Variants in NEO1 observed in about 807,000 individuals in gnomAD.
The protein encoded by NEO1 is neogenin.
In NEO1, 63 loss-of-function variants were observed where a neutral mutation model predicts 159.7. The ratio of observed to expected loss-of-function variants is 0.39; its 90% CI spans 0.32 to 0.49. The LOEUF (loss-of-function observed/expected upper bound fraction) is 0.49. Among genes scored for constraint, NEO1 ranks in the 20% least tolerant of loss-of-function variants. NEO1 has a pLI of 0.85. For missense variants in NEO1, 1,615 were observed against 1,831.0 expected, an observed-to-expected ratio of 0.88 and a Z score of 2.15; for synonymous variants, 633 against 662.0, an observed-to-expected ratio of 0.96 and a Z score of 0.67.
Position 73,302,819 on chromosome 15 carries a change from C to G in NEO1, c.*123C>G. On this transcript the variant is annotated 3_prime_UTR_variant, in exon 29 of 29. Coordinates refer to ENST00000261908, the MANE Select transcript of NEO1 (RefSeq NM_002499.4). ...TGAGAACACAGAATGAGCCAGCAGACTGGCCAGCGCCTCTGTGTAGGGCTG... is the reference window on the plus strand; with the variant it reads ...TGAGAACACAGAATGAGCCAGCAGAGTGGCCAGCGCCTCTGTGTAGGGCTG... 1 of 866,168 alleles carries G rather than the reference C, an allele frequency of 1.2e-6. No homozygotes were observed. The allele number at this position is 866,168 out of a possible 1,614,324, so 53.7% of individuals were successfully genotyped here.
At chr15:73,292,588 A>G (rs1394308465) in intron 25 of NEO1, among the ~76,000 whole-genome samples, 1 of 152,248 alleles carries the variant, frequency 6.6e-6, no homozygotes, top group Admixed American at 6.5e-5. Flanking sequence ...CTCTGTCTTC[A>G]TAGAAAGTAG....
intron 5 of NEO1, among the ~76,000 whole-genome samples, chr15:73,148,102 T>C (rs2151820246): frequency 6.6e-6 from 1 of 152,248 alleles, no homozygotes; most frequent in South Asian, 2.1e-4. Context: ...CATGAGATTA[T>C]ACTGCACCTG....
intron 5 of NEO1, among the ~76,000 whole-genome samples, chr15:73,149,176 G>A (rs938396690): frequency 7.2e-5 from 11 of 152,088 alleles, no homozygotes; most frequent in South Asian, 4.1e-4. Flanking sequence ...TTAGCTGGGC[G>A]TGGTGGCAGG....
chr15:73,054,731 C>G (rs974443771), intron 1 of NEO1, among the ~76,000 whole-genome samples: 1 of 152,112 alleles, frequency 6.6e-6, no homozygotes, highest in African/African-American at 2.4e-5. Context: ...GTAAACCGCT[C>G]TGCTTCATTA....
At chr15:73,242,369 T>C (rs1164782039) in intron 8 of NEO1, among the ~76,000 whole-genome samples, 1 of 152,136 alleles carries the variant, frequency 6.6e-6, no homozygotes, top group Non-Finnish European at 1.5e-5. Flanking sequence ...AAAAATGTTA[T>C]TAAAAAAATC....
intron 7 of NEO1, among the ~76,000 whole-genome samples, chr15:73,200,950 G>C (rs1468404141): frequency 6.6e-6 from 1 of 151,850 alleles, no homozygotes; most frequent in Non-Finnish European, 1.5e-5. Flanking sequence ...CCAAAATTTT[G>C]GGTTTATAGG....
At chr15:73,186,211 T>G (rs568061534) in intron 7 of NEO1, among the ~76,000 whole-genome samples, 1 of 151,576 alleles carries the variant, frequency 6.6e-6, no homozygotes, top group East Asian at 1.9e-4. Flanking sequence ...TGAGCAGTAG[T>G]TTTTAGTTTA....
intron 4 of NEO1, among the ~76,000 whole-genome samples, chr15:73,131,055 A>AG (rs2031059108): frequency 6.6e-6 from 1 of 151,758 alleles, no homozygotes. Flanking sequence ...ATGAGACAGC[A>AG]CCCCCCCACA....
chr15:73,290,576 C>T (rs538503309), intron 25 of NEO1, among the ~76,000 whole-genome samples: 21 of 152,264 alleles, frequency 1.4e-4, no homozygotes, highest in Middle Eastern at 3.4e-3. Context: ...TTGATTCGTG[C>T]CTCACTTTGA....
At chr15:73,226,942 G>T (rs1054138902) in intron 7 of NEO1, among the ~76,000 whole-genome samples, 1 of 152,194 alleles carries the variant, frequency 6.6e-6, no homozygotes, top group Admixed American at 6.5e-5. Context: ...GTTGGTGTGA[G>T]TGGGCGTCAA....
chr15:73,247,435 T>C (rs1176620653), intron 9 of NEO1, among the ~76,000 whole-genome samples: 1 of 152,240 alleles, frequency 6.6e-6, no homozygotes, highest in Non-Finnish European at 1.5e-5. Flanking sequence ...TGTTTTGTTT[T>C]TCTTCTCCTT....
Position 73,171,612 on chromosome 15 carries a change from CTATTATTATTATTAT to C in NEO1, c.1016-4761_1016-4747del, listed in dbSNP as rs10549726. 1.2e-3 allele frequency among the ~76,000 whole-genome samples: 163 copies of C among 139,012 alleles called. 1 individual carries two copies. Among genetic ancestry groups the C allele is most frequent in the Admixed American group, 2.4e-3 (33 of 13,734 alleles). 91.2% of individuals were successfully genotyped at this position (139,012 alleles called of 152,430 possible). ...CTGGGTAATAGGTGATATTAAGAAA[CTATTATTATTATTAT>C]TATTATTATTATTATTATTATTATT... On this transcript the variant is annotated intron_variant, in intron 5 of 28. Coordinates refer to ENST00000261908, the MANE Select transcript of NEO1 (RefSeq NM_002499.4).
At chr15:73,224,265 A>AGCACACTGAT (rs1405427074) in intron 7 of NEO1, among the ~76,000 whole-genome samples, 1 of 152,202 alleles carries the variant, frequency 6.6e-6, no homozygotes, top group African/African-American at 2.4e-5. Context: ...AGATAAGTTA[A>AGCACACTGAT]GCACACTGAT....
At chr15:73,080,643 G>T (rs1226585934) in intron 1 of NEO1, among the ~76,000 whole-genome samples, 1 of 152,080 alleles carries the variant, frequency 6.6e-6, no homozygotes, top group East Asian at 1.9e-4. Context: ...GGCCGAGGTA[G>T]ATTTGGTTAG....
intron 7 of NEO1, among the ~76,000 whole-genome samples, chr15:73,192,343 A>T (rs966475871): frequency 6.6e-6 from 1 of 152,020 alleles, no homozygotes; most frequent in Admixed American, 6.6e-5. Flanking sequence ...TCTTATGGAC[A>T]TGGTAGTCCT....
chr15:73,062,453 T>C (rs1050188394), intron 1 of NEO1, among the ~76,000 whole-genome samples: 1 of 152,248 alleles, frequency 6.6e-6, no homozygotes, highest in African/African-American at 2.4e-5. Context: ...TAGCTGCTTG[T>C]GGTTCTTAAC....
intron 2 of NEO1, 22 bp from the exon 3 acceptor site, chr15:73,122,503 C>A (rs540412670): frequency 1.3e-6 from 2 of 1,596,050 alleles, no homozygotes; most frequent in East Asian, 2.2e-5. Context: ...AATTTTATTT[C>A]TTCTCTTCCT....
rs541959120 is a variant in NEO1, at chr15:73,280,192, A to G, written c.3262+1993A>G. Among the ~76,000 whole-genome samples the G allele has an allele frequency of 2.0e-5, 3 of 152,210 alleles. No individual in the cohort carries two copies. In the East Asian group the frequency reaches 5.8e-4, roughly 29 times the overall value. On this transcript the variant is annotated intron_variant, in intron 22 of 28. Coordinates refer to ENST00000261908, the MANE Select transcript of NEO1 (RefSeq NM_002499.4). ...TCCCAGCTACTCAGAAGGCTGAAGC[A>G]GAAGAATCACTTGAACCCGGGAGGC...
Position 73,118,303 on chromosome 15 carries a change from C to T in NEO1, c.448+1446C>T, listed in dbSNP as rs1218879061. ...CCACCCTGTCTAGAGTACTCTTTCT[C>T]ACCCTTCAGTGATCCTCCAGTAACA... is the stretch of plus-strand genomic sequence containing the variant. On this transcript the variant is annotated intron_variant, in intron 2 of 28. Coordinates refer to ENST00000261908, the MANE Select transcript of NEO1 (RefSeq NM_002499.4). Among the ~76,000 whole-genome samples the T allele has an allele frequency of 3.9e-5, 6 of 152,142 alleles. No homozygotes were observed. The South Asian group carries it at 1.2e-3, about 32-fold the overall frequency.
Sources: allele counts gnomAD v4.1 joint callset (sites outside exome capture counted in the v4.1 genomes callset), GRCh38; gene constraint gnomAD v4.1.1; transcripts MANE v1.5; gene names NCBI Gene and HGNC (gene_info 2026-07-23, HGNC 2026-07-21).